Variants in LHFPL6 observed in about 807,000 individuals in gnomAD.
LHFPL6 encodes LHFPL tetraspan subfamily member 6, also known as LHFPL tetraspan subfamily member 6 protein.
LHFPL6 carries 9 observed loss-of-function variants against 20.6 expected under a neutral mutation model. The ratio of observed to expected loss-of-function variants is 0.44; its 90% CI spans 0.26 to 0.76. The LOEUF (loss-of-function observed/expected upper bound fraction) is 0.76. Ranked by LOEUF, LHFPL6 falls within the 30% of genes least tolerant of loss-of-function variation. LHFPL6 has a pLI of 0.20. For synonymous variants in LHFPL6, 105 were observed against 98.7 expected (o/e 1.06, Z -0.38); for missense variants, 218 against 253.5 (o/e 0.86, Z 0.95).
intron 2 of LHFPL6, among the ~76,000 whole-genome samples, chr13:39,410,405 A>G (rs887325701): frequency 6.6e-6 from 1 of 152,238 alleles, no homozygotes; most frequent in Admixed American, 6.5e-5. Context: ...CCCAAGCACA[A>G]GTAGGGTGGT....
chr13:39,553,881 T>C (rs1461714484), intron 2 of LHFPL6, among the ~76,000 whole-genome samples: 3 of 152,218 alleles, frequency 2.0e-5, no homozygotes, highest in African/African-American at 7.2e-5. Context: ...TCCCTGCCGA[T>C]GGCAGACAAT....
At chr13:39,399,611 T>C (rs1463452356) in intron 2 of LHFPL6, among the ~76,000 whole-genome samples, 1 of 152,180 alleles carries the variant, frequency 6.6e-6, no homozygotes, top group Non-Finnish European at 1.5e-5. Context: ...AGCATGGGAC[T>C]TGAAAGGATA....
At chr13:39,597,275 G>A (rs143375412) in intron 2 of LHFPL6, among the ~76,000 whole-genome samples, 11 of 152,296 alleles carry the variant, frequency 7.2e-5, no homozygotes, top group South Asian at 2.1e-4. Flanking sequence ...TACACATTCA[G>A]ATTCTGACAT....
chr13:39,544,585 C>T (rs543957756), intron 2 of LHFPL6, among the ~76,000 whole-genome samples: 6 of 152,242 alleles, frequency 3.9e-5, no homozygotes, highest in African/African-American at 9.6e-5. Flanking sequence ...ATAATCATTG[C>T]CAACAAAAGT....
At chr13:39,470,030 A>G (rs990450380) in intron 2 of LHFPL6, among the ~76,000 whole-genome samples, 1 of 152,166 alleles carries the variant, frequency 6.6e-6, no homozygotes, top group African/African-American at 2.4e-5. Context: ...GCAAGAAGCA[A>G]TATGTATCTG....
chr13:39,516,850 G>C (rs748602029), intron 2 of LHFPL6, among the ~76,000 whole-genome samples: 1 of 152,216 alleles, frequency 6.6e-6, no homozygotes, highest in African/African-American at 2.4e-5. Flanking sequence ...AACATCCAAA[G>C]TGCCAACAGT....
chr13:39,392,025 C>A (rs56349104), intron 2 of LHFPL6, among the ~76,000 whole-genome samples: 98 of 152,314 alleles, frequency 6.4e-4, no homozygotes, highest in African/African-American at 2.2e-3. Flanking sequence ...CTGTGATGTA[C>A]TGATCAGTCC....
intron 2 of LHFPL6, among the ~76,000 whole-genome samples, chr13:39,395,006 A>G (rs1282702657): frequency 6.6e-6 from 1 of 152,108 alleles, no homozygotes; most frequent in Non-Finnish European, 1.5e-5. Flanking sequence ...GGCTTCCCCA[A>G]TTGGCCCCAT....
intron 3 of LHFPL6, among the ~76,000 whole-genome samples, chr13:39,363,965 T>G (rs892059912): frequency 2.0e-5 from 3 of 152,242 alleles, no homozygotes; most frequent in Non-Finnish European, 4.4e-5. Flanking sequence ...TTTGTCATTG[T>G]GCAAACATCA....
At chr13:39,435,964 T>C (rs1318794950) in intron 2 of LHFPL6, among the ~76,000 whole-genome samples, 1 of 151,984 alleles carries the variant, frequency 6.6e-6, no homozygotes, top group Non-Finnish European at 1.5e-5. Flanking sequence ...TTAACTATTC[T>C]TTTGTTCTGG....
intron 2 of LHFPL6, among the ~76,000 whole-genome samples, chr13:39,532,475 T>C (rs570935926): frequency 1.3e-5 from 2 of 152,342 alleles, no homozygotes; most frequent in East Asian, 3.9e-4. Flanking sequence ...CCTATTAGAA[T>C]GTTATTTCAT....
intron 2 of LHFPL6, among the ~76,000 whole-genome samples, chr13:39,552,931 G>A (rs985594027): frequency 6.6e-6 from 1 of 152,048 alleles, no homozygotes; most frequent in African/African-American, 2.4e-5. Context: ...GACCAAGAAT[G>A]AGGATGATGC....
intron 2 of LHFPL6, among the ~76,000 whole-genome samples, chr13:39,575,250 T>C (rs17060288): frequency 0.051 from 7,791 of 152,204 alleles, 224 homozygotes; most frequent in South Asian, 0.1. Flanking sequence ...GACTGAAAGA[T>C]GACGTGTTAT....
rs528426114 is a variant in LHFPL6, at chr13:39,349,046, G to A, written c.485-4992C>T. Among the ~76,000 whole-genome samples, 7 of 152,290 alleles carry A rather than the reference G, an allele frequency of 4.6e-5. No individual in the cohort carries two copies. In the South Asian group the frequency reaches 1.4e-3, roughly 32 times the overall value. On this transcript the variant is annotated intron_variant, in intron 3 of 3. Transcript: ENST00000379589. ...ATATGGCCACCAATCAGACATATAT[G>A]CAAGTTTGTGTGTATGATTTACAAA...
At chr13:39,445,539 T>C (rs1381855297) in intron 2 of LHFPL6, among the ~76,000 whole-genome samples, 2 of 152,216 alleles carry the variant, frequency 1.3e-5, no homozygotes, top group Non-Finnish European at 2.9e-5. Flanking sequence ...TTTAGTAAAG[T>C]ACTCTGGAAT....
chr13:39,573,914 G>A (rs914219982), intron 2 of LHFPL6, among the ~76,000 whole-genome samples: 1 of 151,592 alleles, frequency 6.6e-6, no homozygotes, highest in Non-Finnish European at 1.5e-5. Context: ...ACCATATATC[G>A]CCAGGTTTAC....
At chr13:39,531,422 G>T (rs1456901602) in intron 2 of LHFPL6, among the ~76,000 whole-genome samples, 2 of 152,132 alleles carry the variant, frequency 1.3e-5, no homozygotes, top group African/African-American at 4.8e-5. Context: ...AAAAATTAGG[G>T]TGTGCTTAAA....
intron 2 of LHFPL6, among the ~76,000 whole-genome samples, chr13:39,587,354 A>G (rs1316634000): frequency 2.0e-5 from 3 of 152,072 alleles, no homozygotes; most frequent in African/African-American, 7.2e-5. Context: ...CCCTGTCTGA[A>G]GGCTGAGGAG....
At chr13:39,564,495 A>G (rs1318034571) in intron 2 of LHFPL6, among the ~76,000 whole-genome samples, 1 of 152,198 alleles carries the variant, frequency 6.6e-6, no homozygotes, top group African/African-American at 2.4e-5. Context: ...ACCCAAGAGC[A>G]TTAAAAATGG....
Sources: gnomAD v4.1 joint callset for allele counts (sites outside exome capture counted in the v4.1 genomes callset) on GRCh38, gnomAD v4.1.1 for gene constraint, MANE v1.5 for transcripts, NCBI Gene and HGNC (gene_info 2026-07-23, HGNC 2026-07-21) for gene names.